The following CNOT4 variants were observed in gnomAD, a reference collection of about 807,000 sequenced individuals.
CNOT4 encodes CCR4-associated factor 4.
Under a neutral mutation model 73.8 loss-of-function variants are expected in CNOT4, and 8 were observed. That is an observed-to-expected ratio of 0.11 (90% CI 0.06 to 0.20). The LOEUF is 0.20. Ranked by LOEUF, CNOT4 falls within the 10% of genes least tolerant of loss-of-function variation. CNOT4 has a pLI of 1.00. For synonymous variants in CNOT4, 293 were observed against 321.1 expected (o/e 0.91, Z 0.94); for missense variants, 564 against 883.4 (o/e 0.64, Z 4.58).
At chr7:135,433,873 G>A (rs1276374342) in intron 2 of CNOT4, among the ~76,000 whole-genome samples, 1 of 152,124 alleles carries the variant, frequency 6.6e-6, no homozygotes, top group Admixed American at 6.5e-5. Context: ...ACACATGAAA[G>A]CAGTCTAAGA....
chr7:135,487,099 A>G (rs993122728), intron 1 of CNOT4, among the ~76,000 whole-genome samples: 3 of 151,602 alleles, frequency 2.0e-5, no homozygotes, highest in Non-Finnish European at 2.9e-5. Flanking sequence ...TCTACCCTAG[A>G]TATCTTTTGC....
In CNOT4 at chr7:135,363,845, GA is replaced by G. The variant is rs1794771865; in HGVS notation, c.1840+8del. 6.3e-7 allele frequency: 1 copy of G among 1,584,666 alleles called. No individual in the cohort carries two copies. Among genetic ancestry groups the G allele is most frequent in the African/African-American group, 1.3e-5 (1 of 74,438 alleles). On this transcript the variant is annotated splice_region_variant and intron_variant, in intron 11 of 11. Coordinates refer to ENST00000541284, the MANE Select transcript of CNOT4 (RefSeq NM_001190850.2). This position sits in a 1 kb window ranked among gnomAD's most constrained non-coding sequence, Gnocchi z 4.3. ...CAGTCAGTGTAGCTGAAGGGAGTGA[GA>G]AAGTTACCTGTGATGATGGCTGGGT...
chr7:135,392,431 T>G (rs1796450001), intron 10 of CNOT4, among the ~76,000 whole-genome samples: 1 of 152,172 alleles, frequency 6.6e-6, no homozygotes, highest in Admixed American at 6.5e-5. Context: ...TAATGAATGT[T>G]ATAATCAATT....
chr7:135,443,560 G>A (rs1461122539), intron 1 of CNOT4, among the ~76,000 whole-genome samples: 1 of 152,138 alleles, frequency 6.6e-6, no homozygotes, highest in African/African-American at 2.4e-5. Flanking sequence ...ATGTATACTT[G>A]GAAGTGGAGT....
chr7:135,390,884 T>A (rs1796364805), intron 10 of CNOT4, among the ~76,000 whole-genome samples: 1 of 152,104 alleles, frequency 6.6e-6, no homozygotes, highest in Non-Finnish European at 1.5e-5. Context: ...TAGAATTAGT[T>A]TAAAATATTG....
intron 10 of CNOT4, among the ~76,000 whole-genome samples, chr7:135,372,936 G>C (rs1166064645): frequency 1.3e-5 from 2 of 152,156 alleles, no homozygotes; most frequent in Middle Eastern, 3.2e-3. Flanking sequence ...TGGTTATAGA[G>C]AGCAGTGATT....
At chr7:135,411,105 A>T (rs1797566772) in intron 6 of CNOT4, among the ~76,000 whole-genome samples, 1 of 152,056 alleles carries the variant, frequency 6.6e-6, no homozygotes, top group African/African-American at 2.4e-5. Flanking sequence ...ACTTGAAGTA[A>T]TACATAGATG....
At chr7:135,477,116 C>T (rs1241640123) in intron 1 of CNOT4, among the ~76,000 whole-genome samples, 1 of 152,110 alleles carries the variant, frequency 6.6e-6, no homozygotes, top group Non-Finnish European at 1.5e-5. Flanking sequence ...CTGAGGTGGG[C>T]AGATCACTCG....
At chr7:135,444,150 T>C (rs979152899) in intron 1 of CNOT4, among the ~76,000 whole-genome samples, 56 of 128,190 alleles carry the variant, frequency 4.4e-4, no homozygotes, top group Non-Finnish European at 9.0e-5. Flanking sequence ...CAAAAAATAA[T>C]AATAATAATA....
intron 1 of CNOT4, among the ~76,000 whole-genome samples, chr7:135,450,624 G>T (rs1165078907): frequency 6.6e-6 from 1 of 152,182 alleles, no homozygotes; most frequent in Non-Finnish European, 1.5e-5. Context: ...AAAGTGCTGT[G>T]ATTACAGGCG....
intron 8 of CNOT4, among the ~76,000 whole-genome samples, chr7:135,397,276 G>C (rs1997260): frequency 6.6e-6 from 1 of 152,034 alleles, no homozygotes; most frequent in East Asian, 1.9e-4. Context: ...TAATAAAACA[G>C]AATTATGATC....
intron 10 of CNOT4, among the ~76,000 whole-genome samples, chr7:135,389,403 C>T (rs899202363): frequency 2.6e-5 from 4 of 151,958 alleles, no homozygotes; most frequent in African/African-American, 9.7e-5. Flanking sequence ...CATACAGCAT[C>T]TGAAAATTCA....
chr7:135,388,753 C>T, intron 10 of CNOT4: 1 of 1,582,466 alleles, frequency 6.3e-7, no homozygotes, highest in Non-Finnish European at 8.6e-7. Context: ...GTTGCCCATG[C>T]AAGCACCCCA....
At chr7:135,425,174 A>C (rs1798421636) in intron 2 of CNOT4, among the ~76,000 whole-genome samples, 1 of 152,216 alleles carries the variant, frequency 6.6e-6, no homozygotes. Context: ...AAAAGAAAAA[A>C]TCTGGTTCTT....
chr7:135,496,863 G>C (rs1803620471), intron 1 of CNOT4, among the ~76,000 whole-genome samples: 1 of 151,926 alleles, frequency 6.6e-6, no homozygotes, highest in South Asian at 2.1e-4. Context: ...CTGGAGTGAA[G>C]TGGCACAATC....
At position 135,475,756 on chromosome 7, in the gene CNOT4, A is replaced by C. The variant is rs573690696; in HGVS notation, c.-93+34133T>G. Among the ~76,000 whole-genome samples the C allele has an allele frequency of 2.0e-4, 31 of 152,134 alleles. No individual in the cohort carries two copies. In the South Asian group the frequency reaches 4.4e-3, roughly 21 times the overall value. On this transcript the variant is annotated intron_variant, in intron 1 of 11. Coordinates refer to ENST00000541284, the MANE Select transcript of CNOT4 (RefSeq NM_001190850.2). ...AAGACCCTGCCATTACACACACACA[A>C]AAAAATCAGCCACGCATGGTGGTGC... is the stretch of plus-strand genomic sequence containing the variant.
chr7:135,397,196 A>AG (rs919106052), intron 8 of CNOT4, among the ~76,000 whole-genome samples: 51 of 152,296 alleles, frequency 3.3e-4, no homozygotes, highest in African/African-American at 1.2e-3. Context: ...TAGTTCACAG[A>AG]GAAAAAAATA....
At position 135,410,534 on chromosome 7, in the gene CNOT4, G is replaced by A. The variant is rs757102001; in HGVS notation, c.802C>T (p.Pro268Ser). The change falls in exon 7 of 12, where the codon CCA (proline) becomes TCA (serine). Residue 268 changes from proline (P) to serine (S), a missense_variant. Coordinates refer to ENST00000541284, the MANE Select transcript of CNOT4 (RefSeq NM_001190850.2). ...ACTTACGTATCGTACCTCTGCAGTGGTGTCACTTTGTTCTTATTTTTATCA... is the reference window on the plus strand; with the variant it reads ...ACTTACGTATCGTACCTCTGCAGTGATGTCACTTTGTTCTTATTTTTATCA... ...SVDKNKNKVT[P>S]LQRYDTPIDK... is the part of the protein sequence containing the mutation. The A allele has an allele frequency of 6.5e-7, 1 of 1,547,880 alleles. No homozygotes were observed. The highest frequency in any genetic ancestry group is 8.7e-7 in the Non-Finnish European group (1 of 1,143,640).
At chr7:135,503,503 G>C (rs983945409) in intron 1 of CNOT4, among the ~76,000 whole-genome samples, 1 of 151,932 alleles carries the variant, frequency 6.6e-6, no homozygotes, top group African/African-American at 2.4e-5. Context: ...ACAATGTAAT[G>C]ACTAAGATTT....
Sources: allele counts gnomAD v4.1 joint callset (sites outside exome capture counted in the v4.1 genomes callset), GRCh38; gene constraint gnomAD v4.1.1; non-coding constraint Gnocchi (gnomAD v3.1); transcripts MANE v1.5; gene names NCBI Gene and HGNC (gene_info 2026-07-23, HGNC 2026-07-21).